Variants in EPB41L3 observed in about 807,000 individuals in gnomAD.
The protein encoded by EPB41L3 is band 4.1-like protein 3.
In EPB41L3, 57 loss-of-function variants were observed where a neutral mutation model predicts 127.1. The ratio of observed to expected loss-of-function variants is 0.45; its 90% CI spans 0.36 to 0.56. The LOEUF is 0.56. Ranked by LOEUF, EPB41L3 falls within the 20% of genes least tolerant of loss-of-function variation. EPB41L3 has a pLI of 0.00. For missense variants in EPB41L3, 1,273 were observed against 1,372.2 expected, an observed-to-expected ratio of 0.93 and a Z score of 1.14; for synonymous variants, 572 against 549.5, an observed-to-expected ratio of 1.04 and a Z score of -0.57.
intron 20 of EPB41L3, 93 bp downstream of exon 20, chr18:5,395,516 G>T: frequency 8.3e-7 from 1 of 1,202,950 alleles, no homozygotes. Flanking sequence ...GCCACCTTGT[G>T]CTTGTGCAGC....
At chr18:5,582,109 T>C (rs2094399125) in intron 3 of EPB41L3, among the ~76,000 whole-genome samples, 1 of 152,208 alleles carries the variant, frequency 6.6e-6, no homozygotes, top group Non-Finnish European at 1.5e-5. Flanking sequence ...GAAACATTTG[T>C]TTTATGGTAT....
At chr18:5,417,838 A>G (rs560956560) in intron 12 of EPB41L3, among the ~76,000 whole-genome samples, 1 of 152,120 alleles carries the variant, frequency 6.6e-6, no homozygotes, top group Non-Finnish European at 1.5e-5. Context: ...ATCTCATTCA[A>G]CTAAGAATAA....
chr18:5,398,314 C>A, intron 16 of EPB41L3, 171 bp from the exon 17 acceptor site: 1 of 753,792 alleles, frequency 1.3e-6, no homozygotes. Context: ...AATAGAAAAC[C>A]AGGTGCTCTT....
intron 3 of EPB41L3, among the ~76,000 whole-genome samples, chr18:5,456,882 G>A (rs1252400442): frequency 2.6e-5 from 4 of 152,198 alleles, no homozygotes; most frequent in Non-Finnish European, 4.4e-5. Flanking sequence ...GGTCTAATTC[G>A]AGAACCAGAC....
At chr18:5,622,779 T>C (rs2094877867) in intron 1 of EPB41L3, among the ~76,000 whole-genome samples, 1 of 152,180 alleles carries the variant, frequency 6.6e-6, no homozygotes, top group South Asian at 2.1e-4. Flanking sequence ...TCTTTAGCTC[T>C]GCAGAATGCT....
chr18:5,627,366 T>A (rs1177441030), intron 1 of EPB41L3, among the ~76,000 whole-genome samples: 1 of 152,210 alleles, frequency 6.6e-6, no homozygotes. Context: ...ATCAAACACT[T>A]CTGAAAGTAG....
Sources: allele counts gnomAD v4.1 joint callset (sites outside exome capture counted in the v4.1 genomes callset), GRCh38; gene constraint gnomAD v4.1.1; transcripts MANE v1.5; gene names NCBI Gene and HGNC (gene_info 2026-07-23, HGNC 2026-07-21).